Variants in CDK7 observed in about 807,000 individuals in gnomAD.
CDK7 encodes the protein cyclin dependent kinase 7.
CDK7 carries 25 observed loss-of-function variants against 49.1 expected under a neutral mutation model. The ratio of observed to expected loss-of-function variants is 0.51; its 90% CI spans 0.37 to 0.71. The LOEUF is 0.71. Among genes scored for constraint, CDK7 ranks in the 30% least tolerant of loss-of-function variants. CDK7 has a pLI of 0.00. For missense variants in CDK7, 316 were observed against 411.7 expected, an observed-to-expected ratio of 0.77 and a Z score of 2.01; for synonymous variants, 107 against 140.0, an observed-to-expected ratio of 0.76 and a Z score of 1.67.
At chr5:69,248,187 TTTGA>T (rs1749880866) in intron 2 of CDK7, among the ~76,000 whole-genome samples, 1 of 152,194 alleles carries the variant, frequency 6.6e-6, no homozygotes, top group Admixed American at 6.5e-5. Flanking sequence ...CTCCTTCCTG[TTTGA>T]AGGATAATTT....
At chr5:69,261,524 G>GTA (rs1554065287) in intron 7 of CDK7, among the ~76,000 whole-genome samples, 39 of 86,712 alleles carry the variant, frequency 4.5e-4, no homozygotes, top group African/African-American at 1.2e-3. Context: ...GTGTGTGTGT[G>GTA]TATGTGTGTG....
At chr5:69,263,953 C>CT (rs1750989365) in intron 8 of CDK7, among the ~76,000 whole-genome samples, 1 of 152,208 alleles carries the variant, frequency 6.6e-6, no homozygotes, top group Non-Finnish European at 1.5e-5. Context: ...GACATGCAGA[C>CT]TAAAGAATTG....
chr5:69,265,696 G>A (rs947217767), intron 8 of CDK7, among the ~76,000 whole-genome samples: 9 of 152,176 alleles, frequency 5.9e-5, no homozygotes, highest in African/African-American at 2.2e-4. Context: ...GATCACTTGA[G>A]CTCAGGAGTT....
chr5:69,244,901 G>A (rs1749635825), intron 2 of CDK7, among the ~76,000 whole-genome samples: 1 of 152,076 alleles, frequency 6.6e-6, no homozygotes, highest in African/African-American at 2.4e-5. Flanking sequence ...AGGGATGTTA[G>A]ATTTTATCAA....
At chr5:69,272,329 C>G (rs1351287190) in intron 9 of CDK7, among the ~76,000 whole-genome samples, 1 of 152,122 alleles carries the variant, frequency 6.6e-6, no homozygotes, top group Non-Finnish European at 1.5e-5. Context: ...TGAGTCCTCC[C>G]ACTTTATTGT....
chr5:69,267,448 A>G (rs1751239679), intron 8 of CDK7, among the ~76,000 whole-genome samples: 1 of 151,582 alleles, frequency 6.6e-6, no homozygotes, highest in East Asian at 1.9e-4. Context: ...ACAGCCGTGC[A>G]CCATGACACC....
At chr5:69,257,988 TA>T (rs1750590296) in intron 5 of CDK7, 54 bp from the exon 6 acceptor site, 1 of 841,894 alleles carries the variant, frequency 1.2e-6, no homozygotes, top group Non-Finnish European at 2.0e-6. Context: ...TTTTATGTGG[TA>T]GAGTTTATTT....
Position 69,276,527 on chromosome 5 carries a change from T to C in CDK7, c.865-16T>C. On this transcript the variant is annotated splice_polypyrimidine_tract_variant and intron_variant, in intron 10 of 11. Transcript: ENST00000256443. ...ATACTCACCTACCTTACTTTTGGTA[T>C]CTTTTCTTTTAAAAGGCACTGAAAA... The C allele has an allele frequency of 1.2e-6, 2 of 1,611,238 alleles. No homozygotes were observed. The highest frequency in any genetic ancestry group is 1.7e-6 in the Non-Finnish European group (2 of 1,179,220).
intron 6 of CDK7, 74 bp from the exon 7 acceptor site, chr5:69,259,744 T>C: frequency 1.1e-6 from 1 of 880,184 alleles, no homozygotes; most frequent in African/African-American, 1.7e-5. Context: ...TTTAAAGTTA[T>C]GCCAACTAAA....
intron 2 of CDK7, among the ~76,000 whole-genome samples, chr5:69,246,806 A>G (rs1386720379): frequency 6.6e-6 from 1 of 150,640 alleles, no homozygotes; most frequent in African/African-American, 2.4e-5. Context: ...TTTCCGTTAT[A>G]ATTTCTTTGA....
At chr5:69,272,019 G>GAGCTC (rs1751606037) in intron 9 of CDK7, among the ~76,000 whole-genome samples, 1 of 151,622 alleles carries the variant, frequency 6.6e-6, no homozygotes, top group Non-Finnish European at 1.5e-5. Flanking sequence ...TCGAACTCCT[G>GAGCTC]AGCTCAAGTG....
At chr5:69,256,396 C>T (rs937917974) in intron 5 of CDK7, among the ~76,000 whole-genome samples, 11 of 151,854 alleles carry the variant, frequency 7.2e-5, no homozygotes, top group South Asian at 2.1e-4. Flanking sequence ...CTTTGTTACC[C>T]GTGCTGGAGT....
Position 69,277,095 on chromosome 5 carries a change from T to C in CDK7, c.1013-12T>C, listed in dbSNP as rs1484166205. ...AACAACTTTTTTTTTTCTTGTTCTT[T>C]TTGCTTCCTAGGAGGATTGCCCAAG... On this transcript the variant is annotated splice_polypyrimidine_tract_variant and intron_variant, in intron 11 of 11. Transcript: ENST00000256443. The C allele has an allele frequency of 1.9e-6, 3 of 1,588,920 alleles. No individual in the cohort carries two copies. The highest frequency in any genetic ancestry group is 2.6e-6 in the Non-Finnish European group (3 of 1,169,522).
At chr5:69,241,307 G>GTTTT (rs1749355577) in intron 2 of CDK7, among the ~76,000 whole-genome samples, 4 of 112,938 alleles carry the variant, frequency 3.5e-5, no homozygotes, top group Non-Finnish European at 7.0e-5. Context: ...CTCATTGTAG[G>GTTTT]TTTTTTCTTT....
chr5:69,254,378 C>T (rs756188819), intron 3 of CDK7, among the ~76,000 whole-genome samples: 7 of 151,792 alleles, frequency 4.6e-5, no homozygotes, highest in Non-Finnish European at 5.9e-5. Context: ...AAAAATTAGC[C>T]GGGCGTGGTG....
chr5:69,244,855 C>T (rs1463011006), intron 2 of CDK7, among the ~76,000 whole-genome samples: 1 of 151,926 alleles, frequency 6.6e-6, no homozygotes, highest in African/African-American at 2.4e-5. Flanking sequence ...GAGATATGTT[C>T]TTCTATACCC....
At chr5:69,263,751 A>G (rs1187568912) in intron 8 of CDK7, among the ~76,000 whole-genome samples, 1 of 152,192 alleles carries the variant, frequency 6.6e-6, no homozygotes, top group Non-Finnish European at 1.5e-5. Context: ...CAATCCATTC[A>G]TGGCCAAGAA....
intron 2 of CDK7, among the ~76,000 whole-genome samples, chr5:69,237,655 T>C (rs1749090331): frequency 6.6e-6 from 1 of 152,142 alleles, no homozygotes; most frequent in Admixed American, 6.6e-5. Flanking sequence ...CTGTTAAAAA[T>C]GTATTGGCCT....
chr5:69,237,344 T>G (rs184389103), intron 2 of CDK7, among the ~76,000 whole-genome samples: 1 of 152,324 alleles, frequency 6.6e-6, no homozygotes, highest in African/African-American at 2.4e-5. Flanking sequence ...AAATTAAATT[T>G]ATTCCAGTCC....
Sources: allele counts gnomAD v4.1 joint callset (sites outside exome capture counted in the v4.1 genomes callset), GRCh38; gene constraint gnomAD v4.1.1; transcripts MANE v1.5; gene names NCBI Gene and HGNC (gene_info 2026-07-23, HGNC 2026-07-21).